Variants in CCNI observed in about 807,000 individuals in gnomAD.
CCNI encodes cyclin I.
CCNI carries 14 observed loss-of-function variants against 34.1 expected under a neutral mutation model. The observed-to-expected ratio is 0.41, with a 90% confidence interval of 0.27 to 0.64. The LOEUF (loss-of-function observed/expected upper bound fraction) is 0.64. Among genes scored for constraint, CCNI ranks in the 30% least tolerant of loss-of-function variants. The pLI, the probability that CCNI is intolerant of heterozygous loss-of-function variation, is 0.31. For missense variants in CCNI, 385 were observed against 440.5 expected, an observed-to-expected ratio of 0.87 and a Z score of 1.13; for synonymous variants, 154 against 158.4, an observed-to-expected ratio of 0.97 and a Z score of 0.21.
At chr4:77,055,033 A>T in intron 6 of CCNI, 117 bp downstream of exon 6, 1 of 650,128 alleles carries the variant, frequency 1.5e-6, no homozygotes, top group Non-Finnish European at 2.7e-6. Flanking sequence ...ACTCTTGTCT[A>T]CTCTTAAGAA....
intron 2 of CCNI, among the ~76,000 whole-genome samples, chr4:77,060,831 G>A (rs945021305): frequency 1.3e-5 from 2 of 152,030 alleles, no homozygotes; most frequent in African/African-American, 2.4e-5. Context: ...CGCCATGTTG[G>A]CCAGGCTGGT....
In CCNI at chr4:77,055,278, A is replaced by G; in HGVS notation, c.562T>C (p.Cys188Arg). The G allele has an allele frequency of 6.2e-7, 1 of 1,614,166 alleles. No homozygotes were observed. The highest frequency in any genetic ancestry group is 1.7e-5 in the Admixed American group (1 of 60,024). ...LAVLTKQLLH[C>R]MACNQLLQFR... ...TGCAGAAGTTGGTTGCAGGCCATAC[A>G]GTGAAGTAGTTGCTTGGTAAGGACT... The change falls in exon 6 of 7, where the codon TGT becomes CGT. Residue 188 changes from cysteine (C) to arginine (R), a missense_variant. Transcript: ENST00000237654.
Position 77,066,318 on chromosome 4 carries a change from C to A in CCNI, c.45G>T (p.Leu15=). The change falls in exon 2 of 7, where the codon CTG becomes CTT. Residue 15 remains leucine (L), a synonymous_variant. Coordinates refer to ENST00000237654, the MANE Select transcript of CCNI (RefSeq NM_006835.3). ...GPLENQRLSF[L]LEKAITREAQ... is the part of the protein sequence containing the mutation. ...CTTCCCTAGTGATTGCCTTTTCCAA[C>A]AGGAAAGACAATCTCTGGTTTTCCA... 2 of 1,613,800 alleles carry A rather than the reference C, an allele frequency of 1.2e-6. No individual in the cohort carries two copies. The highest frequency in any genetic ancestry group is 1.3e-5 in the African/African-American group (1 of 75,044).
chr4:77,048,091 T>G lies in CCNI; in HGVS notation c.*128A>C, dbSNP rs1257896923. 3.3e-6 allele frequency: 2 copies of G among 602,454 alleles called. No individual in the cohort carries two copies. The highest frequency in any genetic ancestry group is 3.7e-5 in the African/African-American group (2 of 54,672). The allele number at this position is 602,454 out of a possible 1,614,324, so 37.3% of individuals were successfully genotyped here. On this transcript the variant is annotated 3_prime_UTR_variant, in exon 7 of 7. Coordinates refer to ENST00000237654, the MANE Select transcript of CCNI (RefSeq NM_006835.3). ...ACACAAATAATGAGAGTTTTATTTT[T>G]TTTTTCTGGCTCACTCCAAATCAGC...
In CCNI at chr4:77,075,636, G is replaced by A. The variant is rs1372163356; in HGVS notation, c.-208C>T. 3 of 922,658 alleles carry A rather than the reference G, an allele frequency of 3.3e-6. No individual in the cohort carries two copies. Among genetic ancestry groups the A allele is most frequent in the African/African-American group, 3.7e-5 (2 of 54,454 alleles). The allele number at this position is 922,658 out of a possible 1,614,324, so 57.2% of individuals were successfully genotyped here. A position where few individuals can be genotyped will look rare whatever the true frequency, so the allele number is the denominator to read the frequency against. ...ACTGAGGAGGGAGAAAGGGGAAGCG[G>A]ATCGGGGGGCGCGGGCGCGGGCGCT... On this transcript the variant is annotated 5_prime_UTR_variant, in exon 1 of 7. Coordinates refer to ENST00000237654, the MANE Select transcript of CCNI (RefSeq NM_006835.3).
At chr4:77,055,408 C>A in intron 5 of CCNI, 28 bp from the exon 6 acceptor site, 1 of 1,396,598 alleles carries the variant, frequency 7.2e-7, no homozygotes, top group Non-Finnish European at 1.0e-6. Context: ...ATCATTTTAA[C>A]TTTATTTAAA....
chr4:77,068,712 C>A (rs1265913319), intron 1 of CCNI, among the ~76,000 whole-genome samples: 12 of 151,782 alleles, frequency 7.9e-5, no homozygotes, highest in Non-Finnish European at 4.4e-5. Context: ...TTTAAATATC[C>A]AGAATTAACA....
rs114953517 is a variant in CCNI, at chr4:77,074,234, C to T, written c.-44+1238G>A. On this transcript the variant is annotated intron_variant, in intron 1 of 6. Coordinates refer to ENST00000237654, the MANE Select transcript of CCNI (RefSeq NM_006835.3). ...TACCTGTAACTGCAGATCATTTTTA[C>T]TGAACTTCCCTAACACATGCTGACT... Among the ~76,000 whole-genome samples, 791 of 152,332 alleles carry T rather than the reference C, an allele frequency of 5.2e-3. 8 individuals carry two copies. The highest frequency in any genetic ancestry group is 6.7e-3 in the Non-Finnish European group (455 of 68,030).
At chr4:77,055,065 G>A (rs1158384288) in intron 6 of CCNI, 85 bp downstream of exon 6, 4 of 836,924 alleles carry the variant, frequency 4.8e-6, no homozygotes, top group Admixed American at 4.8e-5. Context: ...TACAACATGA[G>A]AAATGTCTTT....
At chr4:77,073,305 G>A (rs975583666) in intron 1 of CCNI, among the ~76,000 whole-genome samples, 1 of 152,118 alleles carries the variant, frequency 6.6e-6, no homozygotes, top group Non-Finnish European at 1.5e-5. Flanking sequence ...TTTATAAAAG[G>A]CTTACTGTAC....
Position 77,048,012 on chromosome 4 carries a change from T to C in CCNI, c.*207A>G. On this transcript the variant is annotated 3_prime_UTR_variant, in exon 7 of 7. Coordinates refer to ENST00000237654, the MANE Select transcript of CCNI (RefSeq NM_006835.3). ...AAAAAGTTTGGATCTTTTGGATTTC[T>C]TTTTTTTTTTTTTGGTCTTTATGTG... 1 of 139,414 alleles carries C rather than the reference T, an allele frequency of 7.2e-6. No individual in the cohort carries two copies. The highest frequency in any genetic ancestry group is 1.5e-5 in the Non-Finnish European group (1 of 67,686). 8.6% of individuals were successfully genotyped at this position (139,414 alleles called of 1,614,324 possible). A position where few individuals can be genotyped will look rare whatever the true frequency, so the allele number is the denominator to read the frequency against.
chr4:77,050,084 G>C (rs1266390609), intron 6 of CCNI, among the ~76,000 whole-genome samples: 1 of 151,906 alleles, frequency 6.6e-6, no homozygotes, highest in African/African-American at 2.4e-5. Flanking sequence ...CTCAACTTGT[G>C]GTCTACACTC....
rs4252902 is a variant in CCNI, at chr4:77,055,886, A to G, written c.459+76T>C. The G allele has an allele frequency of 0.013, 15,145 of 1,203,622 alleles. 1,407 individuals carry two copies. In the African/African-American group the frequency reaches 0.2, roughly 16 times the overall value. The allele number at this position is 1,203,622 out of a possible 1,614,324, so 74.6% of individuals were successfully genotyped here. A position where few individuals can be genotyped will look rare whatever the true frequency, so the allele number is the denominator to read the frequency against. On this transcript the variant is annotated intron_variant, in intron 5 of 6. Transcript: ENST00000237654. The stretch of plus-strand genomic sequence containing the variant: ...TCCTATTTCCAGTACAAAATAAATG[A>G]GTAGGCAATCTATTTTTTAATTTAC...
intron 1 of CCNI, among the ~76,000 whole-genome samples, chr4:77,072,144 AAAAAAGGATTATAT>A (rs1460222044): frequency 6.6e-6 from 1 of 152,238 alleles, no homozygotes; most frequent in East Asian, 1.9e-4. Context: ...AGCAATATTA[AAAAAAGGATTATAT>A]ACCATAACCA....
chr4:77,071,730 A>C (rs1181635349), intron 1 of CCNI, among the ~76,000 whole-genome samples: 1 of 152,208 alleles, frequency 6.6e-6, no homozygotes, highest in African/African-American at 2.4e-5. Flanking sequence ...GTGTGCAACT[A>C]AATTGGCAAT....
At position 77,048,462 on chromosome 4, in the gene CCNI, T is replaced by A; in HGVS notation, c.891A>T (p.Glu297Asp). ...AGGCTGCTGTACCTCTGACTGGCACTTCTGGCTTGCTGTTGTCCTTGGAGA... is the reference window on the plus strand; with the variant it reads ...AGGCTGCTGTACCTCTGACTGGCACATCTGGCTTGCTGTTGTCCTTGGAGA... ...PDFSKDNSKP[E>D]VPVRGTAAFY... Residue 297 changes from glutamate to aspartate, a missense_variant, in exon 7 of 7, where the codon GAA (glutamate) becomes GAT (aspartate). This residue lies in a region of CCNI where 250 missense variants were observed against 248.7 expected (regional missense o/e 1.01). Coordinates refer to ENST00000237654, the MANE Select transcript of CCNI (RefSeq NM_006835.3). 6.2e-7 allele frequency: 1 copy of A among 1,614,184 alleles called. No individual in the cohort carries two copies. The highest frequency in any genetic ancestry group is 1.1e-5 in the South Asian group (1 of 91,080).
chr4:77,048,850 G>A lies in CCNI; in HGVS notation c.691-188C>T, dbSNP rs74842978. Among the ~76,000 whole-genome samples the A allele has an allele frequency of 1.5e-3, 224 of 151,532 alleles. 1 individual carries two copies. Among genetic ancestry groups the A allele is most frequent in the African/African-American group, 5.3e-3 (219 of 41,286 alleles). On this transcript the variant is annotated intron_variant, in intron 6 of 6. Transcript: ENST00000237654. ...TCCATCAACATCATCTTAGAAATTA[G>A]GTCCAAATCTGTATTTCTAATATAA...
At chr4:77,072,452 CAAAAAAAA>C (rs11327592) in intron 1 of CCNI, among the ~76,000 whole-genome samples, 15 of 62,230 alleles carry the variant, frequency 2.4e-4, no homozygotes, top group East Asian at 9.4e-4. Context: ...CTGTCTCCAC[CAAAAAAAA>C]AAAAAAAAAA....
chr4:77,059,507 A>G (rs1366986041), intron 2 of CCNI, among the ~76,000 whole-genome samples: 1 of 151,926 alleles, frequency 6.6e-6, no homozygotes, highest in Non-Finnish European at 1.5e-5. Context: ...AAAGCTTTCA[A>G]AATAGTCATT....
Sources: gnomAD v4.1 joint callset for allele counts (sites outside exome capture counted in the v4.1 genomes callset) on GRCh38, gnomAD v4.1.1 for gene constraint, gnomAD v4.1.1 regional missense constraint, MANE v1.5 for transcripts, NCBI Gene and HGNC (gene_info 2026-07-23, HGNC 2026-07-21) for gene names.